TRIM9: variants seen among roughly 807,000 people sequenced by gnomAD.
TRIM9 encodes E3 ubiquitin-protein ligase TRIM9.
Under a neutral mutation model 78.3 loss-of-function variants are expected in TRIM9, and 26 were observed. That is an observed-to-expected ratio of 0.33 (90% CI 0.24 to 0.46). The LOEUF is 0.46. Ranked by LOEUF, TRIM9 falls within the 20% of genes least tolerant of loss-of-function variation. The pLI, the probability that TRIM9 is intolerant of heterozygous loss-of-function variation, is 1.00. For missense variants in TRIM9, 787 were observed against 1,036.4 expected (o/e 0.76, Z 3.30); for synonymous variants, 398 against 416.5 (o/e 0.96, Z 0.54).
chr14:51,031,135 T>G (rs2058691708), intron 1 of TRIM9, among the ~76,000 whole-genome samples: 1 of 56,494 alleles, frequency 1.8e-5, no homozygotes, highest in African/African-American at 5.9e-5. Context: ...GCAACAAGAA[T>G]GAAACTCTTT....
At chr14:51,008,462 G>A (rs917311833) in intron 5 of TRIM9, among the ~76,000 whole-genome samples, 7 of 152,160 alleles carry the variant, frequency 4.6e-5, no homozygotes, top group Non-Finnish European at 1.0e-4. Flanking sequence ...TTGTTGCATG[G>A]TTGGCTTGAG....
intron 1 of TRIM9, among the ~76,000 whole-genome samples, chr14:51,040,650 T>G (rs1291311451): frequency 6.6e-6 from 1 of 152,248 alleles, no homozygotes; most frequent in Non-Finnish European, 1.5e-5. Flanking sequence ...ATCTCCCATT[T>G]CTAGTCAACT....
At chr14:51,028,503 A>G (rs2058451480) in intron 1 of TRIM9, among the ~76,000 whole-genome samples, 1 of 152,346 alleles carries the variant, frequency 6.6e-6, no homozygotes, top group South Asian at 2.1e-4. Flanking sequence ...ACTCTGTGCT[A>G]ACAAAGATGT....
At chr14:51,080,214 G>A (rs113133369) in intron 1 of TRIM9, among the ~76,000 whole-genome samples, 25 of 149,238 alleles carry the variant, frequency 1.7e-4, no homozygotes, top group African/African-American at 5.3e-4. Context: ...AATGTCTATC[G>A]AAAGCCAATG....
At chr14:51,071,357 C>T (rs891754111) in intron 1 of TRIM9, among the ~76,000 whole-genome samples, 3 of 90,322 alleles carry the variant, frequency 3.3e-5, no homozygotes, top group Non-Finnish European at 6.3e-5. Context: ...GCCTGGGCAA[C>T]AAGAGTGAAA....
chr14:51,053,596 T>A (rs1052644549), intron 1 of TRIM9, among the ~76,000 whole-genome samples: 1,157 of 56,424 alleles, frequency 0.021, 10 homozygotes, highest in Non-Finnish European at 0.03. Flanking sequence ...TTTTTTTTAA[T>A]TTTTTTTTTT....
chr14:51,094,724 G>A lies in TRIM9; in HGVS notation c.216C>T (p.Ser72=), dbSNP rs2064772678. 6.5e-7 allele frequency: 1 copy of A among 1,547,680 alleles called. No homozygotes were observed. The highest frequency in any genetic ancestry group is 8.7e-7 in the Non-Finnish European group (1 of 1,147,470). ...AGGAGCCATAGCCGCTGTCCGCCTC[G>A]CTGTATAGGCTCATCTTGTCCAGGT... ...YLDLDKMSLY[S]EADSGYGSYG... is the part of the protein sequence containing the mutation. Residue 72 remains serine, a synonymous_variant, in exon 1 of 13, where the codon AGC becomes AGT. Transcript: ENST00000684578.
chr14:51,001,670 T>G (rs2055065899), intron 5 of TRIM9, among the ~76,000 whole-genome samples: 1 of 152,210 alleles, frequency 6.6e-6, no homozygotes, highest in Admixed American at 6.5e-5. Context: ...CCAGTGATTC[T>G]ACTCCACGTC....
intron 8 of TRIM9, 105 bp downstream of exon 8, chr14:50,985,851 T>C (rs1442342911): frequency 3.8e-6 from 4 of 1,047,492 alleles, no homozygotes; most frequent in Non-Finnish European, 5.2e-6. Flanking sequence ...AGAGACTAGC[T>C]CATCCCCCTC....
chr14:50,981,745 C>A, intron 11 of TRIM9, 55 bp downstream of exon 11: 1 of 1,602,538 alleles, frequency 6.2e-7, no homozygotes, highest in Non-Finnish European at 8.5e-7. Context: ...CTGGGGCTCT[C>A]ACTCCTGATC....
In TRIM9 at chr14:51,016,339, A is replaced by T. The variant is rs141460959; in HGVS notation, c.1042-5845T>A. Among the ~76,000 whole-genome samples the T allele has an allele frequency of 5.9e-3, 896 of 152,070 alleles. 7 individuals are homozygous for T. The highest frequency in any genetic ancestry group is 0.02 in the African/African-American group (842 of 41,466). On this transcript the variant is annotated intron_variant, in intron 3 of 12. Transcript: ENST00000684578. Reference sequence around the variant, plus strand: ...CCTTTCAGATCAGCAGCGGCATTAGATTCTCACAGGAGCAGGAACCCTACT... The same window carrying T: ...CCTTTCAGATCAGCAGCGGCATTAGTTTCTCACAGGAGCAGGAACCCTACT...
chr14:51,001,646 A>AT (rs921416243), intron 5 of TRIM9, among the ~76,000 whole-genome samples: 110 of 151,572 alleles, frequency 7.3e-4, no homozygotes, highest in Non-Finnish European at 1.0e-3. Context: ...ATATTCCATC[A>AT]TTTTTTTTTA....
intron 1 of TRIM9, among the ~76,000 whole-genome samples, chr14:51,033,339 C>T (rs1306771881): frequency 6.6e-6 from 1 of 152,214 alleles, no homozygotes; most frequent in African/African-American, 2.4e-5. Context: ...GATCTACCTG[C>T]CTCGGCCTCC....
chr14:50,988,369 TTAGAG>T (rs1421538577), intron 7 of TRIM9: 2 of 152,098 alleles, frequency 1.3e-5, no homozygotes, highest in Admixed American at 1.3e-4. Context: ...CAAGAAGAAC[TTAGAG>T]TAGGTGATGA....
At chr14:51,058,596 T>A (rs2061081211) in intron 1 of TRIM9, among the ~76,000 whole-genome samples, 1 of 152,166 alleles carries the variant, frequency 6.6e-6, no homozygotes, top group African/African-American at 2.4e-5. Flanking sequence ...AGAAGGCCAC[T>A]GGGGTGGTGC....
intron 1 of TRIM9, among the ~76,000 whole-genome samples, chr14:51,025,637 A>G (rs554145573): frequency 2.8e-4 from 43 of 152,310 alleles, no homozygotes; most frequent in South Asian, 2.3e-3. Flanking sequence ...TCCTTCATTG[A>G]TTAATTAAAC....
chr14:50,998,261 A>C (rs2054485304), intron 6 of TRIM9, 73 bp from the exon 7 acceptor site: 2 of 1,432,338 alleles, frequency 1.4e-6, no homozygotes, highest in Non-Finnish European at 1.9e-6. Flanking sequence ...AGTGTCGCTC[A>C]GTGGTTAGGA....
intron 12 of TRIM9, 38 bp from the exon 13 acceptor site, chr14:50,977,391 C>A: frequency 6.8e-7 from 1 of 1,467,556 alleles, no homozygotes; most frequent in South Asian, 1.4e-5. Flanking sequence ...AGGCATCGTG[C>A]ATCCCCCTGT....
At chr14:51,052,051 A>AGAGAAGAGAAGAG (rs1780263751) in intron 1 of TRIM9, among the ~76,000 whole-genome samples, 1 of 151,780 alleles carries the variant, frequency 6.6e-6, no homozygotes. Context: ...AAAGAAGAGA[A>AGAGAAGAGAAGAG]GAGAAGAGAA....
Sources: allele counts gnomAD v4.1 joint callset (sites outside exome capture counted in the v4.1 genomes callset), GRCh38; gene constraint gnomAD v4.1.1; transcripts MANE v1.5; gene names NCBI Gene and HGNC (gene_info 2026-07-23, HGNC 2026-07-21).